The following GPC4 variants were observed in gnomAD, a reference collection of about 807,000 sequenced individuals.
The protein encoded by GPC4 is glypican 4.
In GPC4, 10 loss-of-function variants were observed where a neutral mutation model predicts 35.0. The ratio of observed to expected loss-of-function variants is 0.29; its 90% CI spans 0.18 to 0.48. The LOEUF (loss-of-function observed/expected upper bound fraction) is 0.48. GPC4 is among the 20% of genes least tolerant of loss of function. The pLI is 0.99. For synonymous variants in GPC4, 167 were observed against 170.2 expected, an observed-to-expected ratio of 0.98 and a Z score of 0.15; for missense variants, 322 against 451.3, an observed-to-expected ratio of 0.71 and a Z score of 2.60.
chrX:133,368,793 C>T (rs1304380143), intron 1 of GPC4, among the ~76,000 whole-genome samples: 3 of 109,804 alleles, frequency 2.7e-5, no homozygotes, highest in Admixed American at 2.0e-4. Context: ...TACAGGTGCC[C>T]GCCACCACAC....
At chrX:133,304,086 G>A (rs1220471856) in intron 7 of GPC4, among the ~76,000 whole-genome samples, 1 of 106,960 alleles carries the variant, frequency 9.3e-6, no homozygotes, top group African/African-American at 3.4e-5. Flanking sequence ...AAGGTCAGGA[G>A]ATCAAGACCA....
intron 1 of GPC4, among the ~76,000 whole-genome samples, chrX:133,405,393 G>A (rs2068783536): frequency 8.9e-6 from 1 of 111,816 alleles, no homozygotes; most frequent in Admixed American, 9.5e-5. Flanking sequence ...GTGAGCCACC[G>A]TGCCCAGTAA....
chrX:133,408,377 C>T (rs1339162779), intron 1 of GPC4, among the ~76,000 whole-genome samples: 2 of 112,150 alleles, frequency 1.8e-5, no homozygotes, highest in Non-Finnish European at 3.7e-5. Flanking sequence ...CTAATCACAA[C>T]AGTCTCAACT....
chrX:133,304,685 AG>A, intron 7 of GPC4, 39 bp downstream of exon 7: 1 of 1,203,011 alleles, frequency 8.3e-7, no homozygotes, highest in Non-Finnish European at 1.1e-6. Flanking sequence ...CCAGGCATCT[AG>A]GAAGGGAGAA....
intron 3 of GPC4, among the ~76,000 whole-genome samples, chrX:133,322,667 C>T (rs1008672773): frequency 4.5e-5 from 5 of 111,692 alleles, no homozygotes; most frequent in Middle Eastern, 4.7e-3. Context: ...GTCACCCTAA[C>T]TGTAGATAAA....
At chrX:133,365,102 C>T (rs1760189376) in intron 1 of GPC4, among the ~76,000 whole-genome samples, 1 of 111,756 alleles carries the variant, frequency 8.9e-6, no homozygotes, top group African/African-American at 3.3e-5. Flanking sequence ...TCCCTGATTA[C>T]AGCTGTGGAA....
intron 3 of GPC4, among the ~76,000 whole-genome samples, chrX:133,317,316 T>C: frequency 9.0e-6 from 1 of 111,657 alleles, no homozygotes; most frequent in Non-Finnish European, 1.9e-5. Flanking sequence ...CTTTTAAAAA[T>C]ACTCATTCCT....
At chrX:133,337,367 T>C (rs1351201438) in intron 2 of GPC4, among the ~76,000 whole-genome samples, 1 of 111,738 alleles carries the variant, frequency 8.9e-6, no homozygotes. Context: ...AGTAGTGCTA[T>C]AAAACCATGG....
chrX:133,372,057 A>C (rs1172947701), intron 1 of GPC4, among the ~76,000 whole-genome samples: 1 of 109,513 alleles, frequency 9.1e-6, no homozygotes, highest in East Asian at 2.9e-4. Context: ...AACATGGTGA[A>C]ACCACATCTC....
chrX:133,336,498 G>A (rs905472526), intron 2 of GPC4, among the ~76,000 whole-genome samples: 2 of 111,127 alleles, frequency 1.8e-5, no homozygotes, highest in Non-Finnish European at 3.8e-5. Context: ...TTGCGCCACT[G>A]CACTCCAGCC....
chrX:133,303,224 C>T lies in GPC4; in HGVS notation c.1410G>A (p.Val470=). The T allele has an allele frequency of 8.3e-7, 1 of 1,211,379 alleles. No homozygotes were observed. The highest frequency in any genetic ancestry group is 1.1e-6 in the Non-Finnish European group (1 of 895,161). ...LILRQIMALR[V]MTSKMKNAYN... Reference sequence around the variant, plus strand: ...ATGCATTCTTCATCTTGCTGGTCATCACTCGAAGAGCCATGATTTGACGAA... The same window carrying T: ...ATGCATTCTTCATCTTGCTGGTCATTACTCGAAGAGCCATGATTTGACGAA... Residue 470 remains valine, a synonymous_variant, in exon 8 of 9, where the codon GTG becomes GTA. Coordinates refer to ENST00000370828, the MANE Select transcript of GPC4 (RefSeq NM_001448.3).
intron 1 of GPC4, among the ~76,000 whole-genome samples, chrX:133,364,579 C>T (rs1253608704): frequency 8.9e-6 from 1 of 112,430 alleles, no homozygotes; most frequent in African/African-American, 3.2e-5. Flanking sequence ...TTAGTCACTA[C>T]TTCCTGTTTT....
intron 1 of GPC4, among the ~76,000 whole-genome samples, chrX:133,404,826 T>C (rs1411586249): frequency 1.2e-5 from 1 of 80,500 alleles, no homozygotes; most frequent in Non-Finnish European, 2.2e-5. Context: ...CATTCCAGCC[T>C]GGACAAAAGA....
At chrX:133,395,283 T>C (rs2068737814) in intron 1 of GPC4, among the ~76,000 whole-genome samples, 1 of 111,756 alleles carries the variant, frequency 8.9e-6, no homozygotes, top group Non-Finnish European at 1.9e-5. Context: ...ACGAATCCTA[T>C]TGAATATGAT....
At chrX:133,413,634 C>T (rs931426505) in intron 1 of GPC4, among the ~76,000 whole-genome samples, 1 of 110,566 alleles carries the variant, frequency 9.0e-6, no homozygotes, top group Non-Finnish European at 1.9e-5. Context: ...GGCTCAGCCC[C>T]CCCCCCGGGC....
intron 1 of GPC4, among the ~76,000 whole-genome samples, chrX:133,397,424 G>A (rs1405456120): frequency 9.0e-6 from 1 of 110,824 alleles, no homozygotes; most frequent in Non-Finnish European, 1.9e-5. Context: ...AGGCATGGTG[G>A]TGTGTGCTTG....
In GPC4 at chrX:133,319,560, A is replaced by T. The variant is rs1346806389; in HGVS notation, c.711+4585T>A. ...ATTAGGGAACACATCCCTTACTTTG[A>T]AAGGTCTTTTTTTCAGGCCCGAAGC... On this transcript the variant is annotated intron_variant, in intron 3 of 8. Coordinates refer to ENST00000370828, the MANE Select transcript of GPC4 (RefSeq NM_001448.3). 6.4e-5 allele frequency among the ~76,000 whole-genome samples: 7 copies of T among 108,661 alleles called. No homozygotes were observed. The Admixed American group carries it at 7.0e-4, about 11-fold the overall frequency. The allele number at this position is 108,661 out of a possible 115,157, so 94.4% of individuals were successfully genotyped here.
intron 1 of GPC4, among the ~76,000 whole-genome samples, chrX:133,351,079 CA>C (rs2068514218): frequency 1.8e-5 from 2 of 112,585 alleles, no homozygotes; most frequent in African/African-American, 6.4e-5. Flanking sequence ...AATTTATTAC[CA>C]TTTAATAGGC....
Position 133,304,877 on chromosome X carries a change from C to A in GPC4, c.1156-16G>T, listed in dbSNP as rs1203244587. 2 of 1,204,815 alleles carry A rather than the reference C, an allele frequency of 1.7e-6. No individual in the cohort carries two copies. Among genetic ancestry groups the A allele is most frequent in the Admixed American group, 4.4e-5 (2 of 45,283 alleles). ...CATCAGTAACCTAATTATGAAACAA[C>A]AACAACAAAAAAAGATCATTGTAAG... On this transcript the variant is annotated splice_polypyrimidine_tract_variant and intron_variant, in intron 6 of 8. Transcript: ENST00000370828.
Sources: allele counts gnomAD v4.1 joint callset (sites outside exome capture counted in the v4.1 genomes callset), GRCh38; gene constraint gnomAD v4.1.1; transcripts MANE v1.5; gene names NCBI Gene and HGNC (gene_info 2026-07-23, HGNC 2026-07-21).